EXOC6B: variants seen among roughly 807,000 people sequenced by gnomAD.
The protein encoded by EXOC6B is SEC15 homolog B.
In EXOC6B, 54 loss-of-function variants were observed where a neutral mutation model predicts 113.5. That is an observed-to-expected ratio of 0.48 (90% CI 0.38 to 0.60). The LOEUF (loss-of-function observed/expected upper bound fraction) is 0.60. Ranked by LOEUF, EXOC6B falls within the 20% of genes least tolerant of loss-of-function variation. EXOC6B has a pLI of 0.00. For missense variants in EXOC6B, 797 were observed against 977.5 expected (o/e 0.82, Z 2.46); for synonymous variants, 357 against 339.0 (o/e 1.05, Z -0.58).
At chr2:72,628,953 C>T (rs1672226359) in intron 6 of EXOC6B, among the ~76,000 whole-genome samples, 1 of 152,160 alleles carries the variant, frequency 6.6e-6, no homozygotes, top group African/African-American at 2.4e-5. Flanking sequence ...GGCAAAGCTT[C>T]CTCTATCCAT....
At chr2:72,345,342 G>A (rs974777350) in intron 19 of EXOC6B, among the ~76,000 whole-genome samples, 7 of 152,226 alleles carry the variant, frequency 4.6e-5, no homozygotes, top group Admixed American at 1.3e-4. Context: ...TTACTCAAAT[G>A]AGTTGAAAAC....
chr2:72,615,917 T>C (rs1671362177), intron 6 of EXOC6B, among the ~76,000 whole-genome samples: 1 of 152,212 alleles, frequency 6.6e-6, no homozygotes, highest in Admixed American at 6.5e-5. Flanking sequence ...TTGATGATCC[T>C]GACCCTATGT....
intron 7 of EXOC6B, 107 bp downstream of exon 7, chr2:72,575,385 C>T: frequency 1.0e-6 from 1 of 962,344 alleles, no homozygotes; most frequent in Non-Finnish European, 1.5e-6. Context: ...ATTTGATATT[C>T]AGAAGATCAC....
At chr2:72,347,718 C>T (rs977205007) in intron 19 of EXOC6B, among the ~76,000 whole-genome samples, 8 of 152,104 alleles carry the variant, frequency 5.3e-5, no homozygotes, top group African/African-American at 1.7e-4. Flanking sequence ...GTACTTTACA[C>T]TTACAGCACA....
At chr2:72,374,634 G>C (rs1278099266) in intron 19 of EXOC6B, among the ~76,000 whole-genome samples, 1 of 151,690 alleles carries the variant, frequency 6.6e-6, no homozygotes, top group East Asian at 1.9e-4. Context: ...TAGCACAACA[G>C]GGTGGCAATA....
intron 1 of EXOC6B, among the ~76,000 whole-genome samples, chr2:72,750,004 T>C (rs1681938872): frequency 6.6e-6 from 1 of 151,644 alleles, no homozygotes. Flanking sequence ...ATAGTATATA[T>C]GCTATATATG....
intron 1 of EXOC6B, among the ~76,000 whole-genome samples, chr2:72,802,683 G>GA (rs34930136): frequency 6.6e-6 from 1 of 151,922 alleles, no homozygotes; most frequent in East Asian, 1.9e-4. Context: ...TTCATCTTGG[G>GA]AAAAAAATTC....
intron 6 of EXOC6B, among the ~76,000 whole-genome samples, chr2:72,651,109 G>A (rs2104401943): frequency 6.6e-6 from 1 of 152,294 alleles, no homozygotes; most frequent in African/African-American, 2.4e-5. Context: ...CGTTCACTAT[G>A]GACCCGCAAT....
intron 20 of EXOC6B, among the ~76,000 whole-genome samples, chr2:72,305,574 C>T (rs2104770445): frequency 6.6e-6 from 1 of 152,162 alleles, no homozygotes; most frequent in East Asian, 1.9e-4. Flanking sequence ...CTGCATTCTA[C>T]ATAAGAGATC....
chr2:72,582,019 C>T (rs768173566), intron 6 of EXOC6B, among the ~76,000 whole-genome samples: 2 of 152,166 alleles, frequency 1.3e-5, no homozygotes, highest in Non-Finnish European at 2.9e-5. Flanking sequence ...GACCCATATG[C>T]ACCACCTACT....
intron 1 of EXOC6B, among the ~76,000 whole-genome samples, chr2:72,777,402 A>G (rs1271066111): frequency 6.6e-6 from 1 of 152,134 alleles, no homozygotes; most frequent in Admixed American, 6.5e-5. Flanking sequence ...GTTATTTTAA[A>G]TATTTTTTAT....
chr2:72,603,577 G>A (rs1022334556), intron 6 of EXOC6B, among the ~76,000 whole-genome samples: 8 of 152,088 alleles, frequency 5.3e-5, no homozygotes, highest in African/African-American at 1.4e-4. Context: ...TATGCTCCCC[G>A]TGTGTAACTC....
intron 2 of EXOC6B, 75 bp downstream of exon 2, chr2:72,741,229 T>TAA: frequency 7.1e-7 from 1 of 1,403,028 alleles, no homozygotes; most frequent in Non-Finnish European, 9.7e-7. Flanking sequence ...TTCTATGTTA[T>TAA]AATCCTTAAT....
chr2:72,277,508 T>A (rs1412148362), intron 20 of EXOC6B, among the ~76,000 whole-genome samples: 3 of 151,994 alleles, frequency 2.0e-5, no homozygotes, highest in African/African-American at 7.2e-5. Context: ...TTTTTTTTCT[T>A]TTTCTGGAGA....
intron 5 of EXOC6B, among the ~76,000 whole-genome samples, chr2:72,729,995 C>T (rs892785126): frequency 1.3e-5 from 2 of 152,026 alleles, no homozygotes; most frequent in African/African-American, 4.8e-5. Flanking sequence ...AATTAACATT[C>T]CAGGAAGATA....
chr2:72,358,970 C>A (rs1388574199), intron 19 of EXOC6B, among the ~76,000 whole-genome samples: 1 of 152,136 alleles, frequency 6.6e-6, no homozygotes, highest in East Asian at 1.9e-4. Flanking sequence ...TATTTATTCA[C>A]TCAAAAAATA....
intron 6 of EXOC6B, among the ~76,000 whole-genome samples, chr2:72,647,422 C>A (rs577233977): frequency 4.6e-5 from 7 of 151,934 alleles, no homozygotes; most frequent in Middle Eastern, 3.2e-3. Flanking sequence ...AATTGGAAAA[C>A]AACTACTTTA....
chr2:72,779,903 G>C (rs1683925789), intron 1 of EXOC6B, among the ~76,000 whole-genome samples: 1 of 152,200 alleles, frequency 6.6e-6, no homozygotes, highest in African/African-American at 2.4e-5. Flanking sequence ...AGACAACGGA[G>C]GGAGAGAAGA....
chr2:72,641,892 G>A (rs1199549290), intron 6 of EXOC6B, among the ~76,000 whole-genome samples: 1 of 152,250 alleles, frequency 6.6e-6, no homozygotes, highest in Admixed American at 6.5e-5. Flanking sequence ...AATATTTGCT[G>A]TTCTGCAGTA....
Sources: allele counts gnomAD v4.1 joint callset (sites outside exome capture counted in the v4.1 genomes callset), GRCh38; gene constraint gnomAD v4.1.1; transcripts MANE v1.5; gene names NCBI Gene and HGNC (gene_info 2026-07-23, HGNC 2026-07-21).